Variants in MARCHF1 observed in about 807,000 individuals in gnomAD.
The protein encoded by MARCHF1 is E3 ubiquitin-protein ligase MARCHF1.
A neutral mutation model predicts 54.2 loss-of-function variants in MARCHF1; 40 were observed. The observed-to-expected ratio is 0.74, with a 90% CI of 0.57 to 0.96. The LOEUF (loss-of-function observed/expected upper bound fraction) is 0.96. Ranked by LOEUF, MARCHF1 falls within the 40% of genes least tolerant of loss-of-function variation. The pLI is 0.00. For missense variants in MARCHF1, 586 were observed against 656.5 expected (o/e 0.89, Z 1.17); for synonymous variants, 236 against 236.3 (o/e 1.00, Z 0.01).
At chr4:164,360,148 G>C (rs1730683803) in intron 1 of MARCHF1, among the ~76,000 whole-genome samples, 1 of 151,986 alleles carries the variant, frequency 6.6e-6, no homozygotes, top group African/African-American at 2.4e-5. Context: ...TTGTGACCCA[G>C]CAGAGCCACT....
chr4:163,870,551 ATT>A (rs1220278979), intron 3 of MARCHF1, among the ~76,000 whole-genome samples: 2 of 152,112 alleles, frequency 1.3e-5, no homozygotes, highest in Non-Finnish European at 2.9e-5. Flanking sequence ...TTGCTATCAC[ATT>A]TACCTGACGT....
chr4:163,640,321 TA>T (rs1378241966), intron 5 of MARCHF1, among the ~76,000 whole-genome samples: 1 of 152,158 alleles, frequency 6.6e-6, no homozygotes, highest in East Asian at 1.9e-4. Context: ...ATATGCCCAG[TA>T]ATATGCTTCC....
chr4:163,789,118 A>G (rs1186573297), intron 4 of MARCHF1, among the ~76,000 whole-genome samples: 2 of 151,998 alleles, frequency 1.3e-5, no homozygotes, highest in African/African-American at 4.8e-5. Flanking sequence ...TTATGTATGT[A>G]TTTAAACATT....
At chr4:163,599,689 G>A (rs71614773) in intron 7 of MARCHF1, among the ~76,000 whole-genome samples, 3 of 152,074 alleles carry the variant, frequency 2.0e-5, no homozygotes, top group Non-Finnish European at 4.4e-5. Context: ...GACTCGCATG[G>A]AGGGTCAGTT....
intron 3 of MARCHF1, among the ~76,000 whole-genome samples, chr4:163,857,125 G>A (rs1749790975): frequency 6.7e-6 from 1 of 149,952 alleles, no homozygotes; most frequent in African/African-American, 2.4e-5. Context: ...AAAAAACAAG[G>A]AAAGACCGTT....
rs1452702178 is a variant in MARCHF1 at position 164,247,233 on chromosome 4, T to C, written c.-322-135571A>G. Among the ~76,000 whole-genome samples, 3 of 107,962 alleles carry C rather than the reference T, an allele frequency of 2.8e-5. No individual in the cohort carries two copies. The South Asian group carries it at 1.1e-3, about 39-fold the overall frequency. 70.8% of individuals were successfully genotyped at this position (107,962 alleles called of 152,430 possible). On this transcript the variant is annotated intron_variant, in intron 1 of 9. Coordinates refer to ENST00000514618, the MANE Select transcript of MARCHF1 (RefSeq NM_001394959.1). ...AAATGTCCAACAATGATAGACTGGA[T>C]TAAGAAAATGTGGCACATATACACC...
chr4:163,540,801 C>T (rs899871916), intron 9 of MARCHF1, among the ~76,000 whole-genome samples: 2 of 152,176 alleles, frequency 1.3e-5, no homozygotes, highest in Admixed American at 6.5e-5. Flanking sequence ...GCGAGCAGAT[C>T]GCTTGAGCCC....
At chr4:164,275,590 G>A (rs902995744) in intron 1 of MARCHF1, among the ~76,000 whole-genome samples, 9 of 152,250 alleles carry the variant, frequency 5.9e-5, no homozygotes, top group Admixed American at 6.5e-5. Flanking sequence ...AAGGAGATTA[G>A]TGGGTTGATT....
At chr4:163,895,463 A>G (rs1234624015) in intron 3 of MARCHF1, among the ~76,000 whole-genome samples, 1 of 152,196 alleles carries the variant, frequency 6.6e-6, no homozygotes, top group Non-Finnish European at 1.5e-5. Context: ...GTAACTATCT[A>G]AACCGCAAAT....
At chr4:163,654,226 G>A (rs974980255) in intron 5 of MARCHF1, among the ~76,000 whole-genome samples, 9 of 151,676 alleles carry the variant, frequency 5.9e-5, no homozygotes, top group East Asian at 3.9e-4. Flanking sequence ...ATGGTAGAAA[G>A]CCTGACTAGA....
intron 3 of MARCHF1, among the ~76,000 whole-genome samples, chr4:163,889,919 C>CTTTTCTTTTTTTTTTTTTT (rs1750618917): frequency 8.5e-6 from 1 of 117,238 alleles, no homozygotes. Flanking sequence ...TATTTATTTT[C>CTTTTCTTTTTTTTTTTTTT]TTTTTTCTTT....
At chr4:164,270,634 T>C (rs1733723271) in intron 1 of MARCHF1, among the ~76,000 whole-genome samples, 1 of 152,204 alleles carries the variant, frequency 6.6e-6, no homozygotes, top group Admixed American at 6.5e-5. Context: ...ATTCATTACA[T>C]TAACTAATTC....
At chr4:163,826,711 A>G (rs958614540) in intron 4 of MARCHF1, among the ~76,000 whole-genome samples, 1 of 152,098 alleles carries the variant, frequency 6.6e-6, no homozygotes, top group African/African-American at 2.4e-5. Flanking sequence ...TAAGGAAACA[A>G]GTGTTGAAGT....
chr4:164,116,769 G>A lies in MARCHF1; in HGVS notation c.-322-5107C>T, dbSNP rs559219535. On this transcript the variant is annotated intron_variant, in intron 1 of 9. Coordinates refer to ENST00000514618, the MANE Select transcript of MARCHF1 (RefSeq NM_001394959.1). ...AGAAAAAAATACACAAGAAACAAAT[G>A]TGTGTGTGTGTATGCATACCATTTA... Among the ~76,000 whole-genome samples, 4 of 151,738 alleles carry A rather than the reference G, an allele frequency of 2.6e-5. No homozygotes were observed. The East Asian group carries it at 7.7e-4, about 29-fold the overall frequency.
intron 1 of MARCHF1, among the ~76,000 whole-genome samples, chr4:164,297,388 C>T (rs888237160): frequency 6.6e-6 from 1 of 151,982 alleles, no homozygotes; most frequent in African/African-American, 2.4e-5. Flanking sequence ...GAGCATGGAC[C>T]CCTGATGTGA....
chr4:163,812,528 C>A (rs563956419), intron 4 of MARCHF1, among the ~76,000 whole-genome samples: 2 of 152,026 alleles, frequency 1.3e-5, no homozygotes, highest in Admixed American at 6.6e-5. Flanking sequence ...GAAGTCAAGG[C>A]GGGTGGATCA....
At chr4:163,830,187 A>C (rs905985560) in intron 4 of MARCHF1, among the ~76,000 whole-genome samples, 1 of 152,034 alleles carries the variant, frequency 6.6e-6, no homozygotes, top group African/African-American at 2.4e-5. Context: ...ATCAAACAAC[A>C]CCTAGTATAC....
chr4:164,097,655 G>A (rs1162600345), intron 2 of MARCHF1, among the ~76,000 whole-genome samples: 1 of 152,066 alleles, frequency 6.6e-6, no homozygotes, highest in African/African-American at 2.4e-5. Context: ...CATTCTGAGA[G>A]GGAATGCATA....
chr4:164,106,104 A>T (rs1249273536), intron 2 of MARCHF1, among the ~76,000 whole-genome samples: 1 of 151,466 alleles, frequency 6.6e-6, no homozygotes, highest in East Asian at 1.9e-4. Flanking sequence ...ATCATTAAGA[A>T]GTCAGGAAAC....
Sources: gnomAD v4.1 joint callset for allele counts (sites outside exome capture counted in the v4.1 genomes callset) on GRCh38, gnomAD v4.1.1 for gene constraint, MANE v1.5 for transcripts, NCBI Gene and HGNC (gene_info 2026-07-23, HGNC 2026-07-21) for gene names.